The following RGS6 variants were observed in gnomAD, a reference collection of about 807,000 sequenced individuals.
RGS6 encodes the protein regulator of G-protein signaling 6.
In RGS6, 30 loss-of-function variants were observed where a neutral mutation model predicts 78.5. That is an observed-to-expected ratio of 0.38 (90% CI 0.29 to 0.52). The LOEUF is 0.52. Among genes scored for constraint, RGS6 ranks in the 20% least tolerant of loss-of-function variants. The pLI is 0.85. For missense variants in RGS6, 495 were observed against 609.7 expected, an observed-to-expected ratio of 0.81 and a Z score of 1.98; for synonymous variants, 206 against 206.0, an observed-to-expected ratio of 1.00 and a Z score of 0.00.
chr14:71,909,657 G>C, the RGS6 span, among the ~76,000 whole-genome samples: 2 of 152,042 alleles, frequency 1.3e-5, no homozygotes, highest in Non-Finnish European at 2.9e-5. Flanking sequence ...TGGGACTCCA[G>C]TCTCTATTCA....
At chr14:72,610,136 C>A in the RGS6 span, among the ~76,000 whole-genome samples, 1 of 152,246 alleles carries the variant, frequency 6.6e-6, no homozygotes, top group African/African-American at 2.4e-5. Context: ...GCTTCCCTCT[C>A]TGGTGCCCAT....
rs145984366 is a variant in RGS6, at chr14:72,329,916, C to G, written c.85-22179C>G. Among the ~76,000 whole-genome samples the G allele has an allele frequency of 6.5e-4, 99 of 152,346 alleles. No individual in the cohort carries two copies. The Middle Eastern group carries it at 0.014, about 21-fold the overall frequency. ...ACCTCTGGCTACACAGTCTCCTGCC[C>G]TTCTCTACTCAGTGAATTCTGAGGT... is the stretch of plus-strand genomic sequence containing the variant. On this transcript the variant is annotated intron_variant, in intron 2 of 17. Coordinates refer to ENST00000553525, the MANE Select transcript of RGS6 (RefSeq NM_001204424.2).
At chr14:72,431,000 G>A (rs1276348361) in intron 3 of RGS6, among the ~76,000 whole-genome samples, 1 of 152,146 alleles carries the variant, frequency 6.6e-6, no homozygotes, top group Non-Finnish European at 1.5e-5. Flanking sequence ...CCAACTGAAG[G>A]GGTGAAGTTC....
chr14:71,923,651 A>G, the RGS6 span, among the ~76,000 whole-genome samples: 1 of 152,206 alleles, frequency 6.6e-6, no homozygotes, highest in Admixed American at 6.5e-5. Flanking sequence ...GAGTGAATCT[A>G]AAAAGACATC....
intron 2 of RGS6, among the ~76,000 whole-genome samples, chr14:72,214,715 T>G (rs2045133888): frequency 6.6e-6 from 1 of 152,074 alleles, no homozygotes; most frequent in Admixed American, 6.6e-5. Context: ...TCTTAGCTAC[T>G]TGGGAGGCTG....
chr14:72,188,127 G>A (rs1012442309), intron 2 of RGS6, among the ~76,000 whole-genome samples: 5 of 151,986 alleles, frequency 3.3e-5, no homozygotes, highest in Non-Finnish European at 7.4e-5. Flanking sequence ...ATGTGCCTTG[G>A]GAAGAAATAT....
chr14:72,231,913 T>C (rs1402784402), intron 2 of RGS6, among the ~76,000 whole-genome samples: 1 of 152,112 alleles, frequency 6.6e-6, no homozygotes, highest in Non-Finnish European at 1.5e-5. Context: ...TTATAAGTTC[T>C]CTGGAGTTCA....
intron 3 of RGS6, among the ~76,000 whole-genome samples, chr14:72,448,750 G>A (rs1447175511): frequency 4.0e-5 from 6 of 151,860 alleles, no homozygotes; most frequent in South Asian, 2.1e-4. Flanking sequence ...ACAGAATATC[G>A]GTTTTCTAAT....
At chr14:72,341,464 T>G (rs566724989) in intron 2 of RGS6, among the ~76,000 whole-genome samples, 2 of 152,302 alleles carry the variant, frequency 1.3e-5, no homozygotes, top group African/African-American at 4.8e-5. Flanking sequence ...TACATATGTA[T>G]GCAAGTACTG....
At chr14:72,208,101 T>G (rs1193738332) in intron 2 of RGS6, among the ~76,000 whole-genome samples, 2 of 152,230 alleles carry the variant, frequency 1.3e-5, no homozygotes, top group Non-Finnish European at 2.9e-5. Flanking sequence ...AATCTCATCC[T>G]TCTAGATCCT....
At chr14:72,214,925 G>T (rs1448306762) in intron 2 of RGS6, among the ~76,000 whole-genome samples, 1 of 152,176 alleles carries the variant, frequency 6.6e-6, no homozygotes, top group Non-Finnish European at 1.5e-5. Flanking sequence ...AGAAAAATGA[G>T]ATTTGAAGAT....
At chr14:72,023,238 T>G (rs1413361986) in intron 2 of RGS6, among the ~76,000 whole-genome samples, 1 of 152,256 alleles carries the variant, frequency 6.6e-6, no homozygotes, top group Non-Finnish European at 1.5e-5. Context: ...TAGGGCTTCC[T>G]GGAGCTGGAA....
At chr14:72,468,900 C>G (rs1376206614) in intron 7 of RGS6, among the ~76,000 whole-genome samples, 1 of 152,100 alleles carries the variant, frequency 6.6e-6, no homozygotes, top group Non-Finnish European at 1.5e-5. Context: ...GTGGTACTCT[C>G]CAACTGAAGC....
chr14:72,116,963 CAAAAAAAAAA>C (rs56397216), intron 2 of RGS6, among the ~76,000 whole-genome samples: 1 of 78,364 alleles, frequency 1.3e-5, no homozygotes, highest in East Asian at 4.2e-4. Flanking sequence ...GACTCCATCT[CAAAAAAAAAA>C]AAAAAAAAAA....
intron 2 of RGS6, among the ~76,000 whole-genome samples, chr14:72,184,626 G>A (rs1221103762): frequency 6.6e-6 from 1 of 152,036 alleles, no homozygotes; most frequent in Non-Finnish European, 1.5e-5. Context: ...GAAATAAAAG[G>A]CAGAAGGGGG....
At chr14:72,443,957 A>G (rs955909128) in intron 3 of RGS6, among the ~76,000 whole-genome samples, 1 of 152,216 alleles carries the variant, frequency 6.6e-6, no homozygotes, top group African/African-American at 2.4e-5. Context: ...GGCCTAATCA[A>G]TGTAGCCCAT....
intron 2 of RGS6, among the ~76,000 whole-genome samples, chr14:72,047,244 A>G (rs1483577331): frequency 1.3e-5 from 2 of 152,236 alleles, no homozygotes; most frequent in African/African-American, 4.8e-5. Flanking sequence ...TGGTTAAGCT[A>G]TAGAAGCCCA....
chr14:72,147,780 ATC>A (rs2096625464), intron 2 of RGS6, among the ~76,000 whole-genome samples: 1 of 152,214 alleles, frequency 6.6e-6, no homozygotes, highest in Non-Finnish European at 1.5e-5. Context: ...GGTGGGATGA[ATC>A]CAGAGTGGGA....
At chr14:72,138,982 G>A (rs769528802) in intron 2 of RGS6, among the ~76,000 whole-genome samples, 13 of 152,084 alleles carry the variant, frequency 8.5e-5, no homozygotes, top group East Asian at 1.9e-4. Context: ...CACCCCCACC[G>A]ACCCACCCAG....
Sources: gnomAD v4.1 joint callset for allele counts (sites outside exome capture counted in the v4.1 genomes callset) on GRCh38, gnomAD v4.1.1 for gene constraint, MANE v1.5 for transcripts, NCBI Gene and HGNC (gene_info 2026-07-23, HGNC 2026-07-21) for gene names.